MYO1H: variants seen among roughly 807,000 people sequenced by gnomAD.
MYO1H encodes unconventional myosin-Ih.
Under a neutral mutation model 149.3 loss-of-function variants are expected in MYO1H, and 118 were observed. The observed-to-expected ratio is 0.79, with a 90% CI of 0.68 to 0.92. The LOEUF (loss-of-function observed/expected upper bound fraction) is 0.92. Ranked by LOEUF, MYO1H falls within the 40% of genes least tolerant of loss-of-function variation. MYO1H has a pLI of 0.00. For missense variants in MYO1H, 1,212 were observed against 1,280.7 expected, an observed-to-expected ratio of 0.95 and a Z score of 0.82; for synonymous variants, 447 against 465.2, an observed-to-expected ratio of 0.96 and a Z score of 0.50.
intron 1 of MYO1H, 123 bp downstream of exon 1, chr12:109,348,095 A>G (rs1367505253): frequency 5.0e-6 from 2 of 398,432 alleles, no homozygotes; most frequent in Non-Finnish European, 8.9e-6. Flanking sequence ...GCGTGTGAAT[A>G]AGATTCTGAA....
At chr12:109,397,598 A>T (rs1232134301) in intron 4 of MYO1H, 134 bp from the exon 5 acceptor site, 3 of 574,714 alleles carry the variant, frequency 5.2e-6, no homozygotes, top group Non-Finnish European at 8.8e-6. Context: ...TTCTTAGAAG[A>T]TAAAGCATGC....
At chr12:109,339,255 T>C in the MYO1H span, among the ~76,000 whole-genome samples, 1 of 151,980 alleles carries the variant, frequency 6.6e-6, no homozygotes, top group Non-Finnish European at 1.5e-5. Context: ...ATCCCAGCTG[T>C]GCAGGAGACT....
chr12:109,355,077 G>T (rs769321876), intron 1 of MYO1H, among the ~76,000 whole-genome samples: 1 of 152,174 alleles, frequency 6.6e-6, no homozygotes, highest in Non-Finnish European at 1.5e-5. Context: ...CTTGCCATCC[G>T]CACAGTCAAC....
intron 5 of MYO1H, among the ~76,000 whole-genome samples, chr12:109,399,983 T>C (rs553747746): frequency 6.6e-6 from 1 of 152,308 alleles, no homozygotes; most frequent in Admixed American, 6.5e-5. Context: ...CACTGCCCAC[T>C]GTTCTGACCT....
intron 1 of MYO1H, among the ~76,000 whole-genome samples, chr12:109,364,030 T>C (rs1301761539): frequency 6.6e-6 from 1 of 151,324 alleles, no homozygotes; most frequent in African/African-American, 2.4e-5. Context: ...TGAAACCCCA[T>C]CTCTACCAAA....
At chr12:109,397,656 A>T in intron 4 of MYO1H, 76 bp from the exon 5 acceptor site, 1 of 1,138,216 alleles carries the variant, frequency 8.8e-7, no homozygotes, top group Admixed American at 2.6e-5. Context: ...TTTTGTAATA[A>T]GTGTATTATT....
At chr12:109,446,303 T>G in intron 31 of MYO1H, 1 of 978,664 alleles carries the variant, frequency 1.0e-6, no homozygotes, top group Non-Finnish European at 1.2e-6. Context: ...ACACGGAGCT[T>G]GTTTTGATCC....
At chr12:109,333,722 G>A in the MYO1H span, among the ~76,000 whole-genome samples, 4 of 152,238 alleles carry the variant, frequency 2.6e-5, no homozygotes, top group South Asian at 2.1e-4. Context: ...AAGCATGCTC[G>A]TCAATTTATG....
intron 15 of MYO1H, among the ~76,000 whole-genome samples, chr12:109,419,872 TTAA>T (rs1452059639): frequency 9.9e-6 from 1 of 101,264 alleles, no homozygotes; most frequent in African/African-American, 4.6e-5. Context: ...CTCCCCCAAC[TTAA>T]AAAAAAAAAA....
rs777693810 is a variant in MYO1H, at chr12:109,439,664, CCT to C, written c.2331_2332del (p.Cys778SerfsTer2). 1.2e-5 allele frequency: 20 copies of C among 1,613,536 alleles called. No individual in the cohort carries two copies. The highest frequency in any genetic ancestry group is 1.6e-5 in the Non-Finnish European group (19 of 1,179,758). Reference sequence around the variant, plus strand: ...AAGGATTCATCAGTCGCAACAAACCCCTCTGTCCTGACAACGAGGAATTTATC... The same window carrying C: ...AAGGATTCATCAGTCGCAACAAACCCCTGTCCTGACAACGAGGAATTTATC... On this transcript the variant is annotated frameshift_variant, in exon 24 of 32. Coordinates refer to ENST00000310903, the Ensembl canonical transcript of MYO1H. LOFTEE classifies it high-confidence loss of function.
Position 109,443,661 on chromosome 12 carries a change from G to T in MYO1H, c.2824+12G>T. ...CTCAGCTCTCAAAGGTAAGAAGTGG[G>T]CAATCTTTAAAACAATGCACTGAGT... On this transcript the variant is annotated intron_variant, in intron 28 of 31. Coordinates refer to ENST00000310903, the Ensembl canonical transcript of MYO1H. 2 of 1,613,278 alleles carry T rather than the reference G, an allele frequency of 1.2e-6. No homozygotes were observed. The highest frequency in any genetic ancestry group is 1.7e-6 in the Non-Finnish European group (2 of 1,179,664).
chr12:109,314,482 C>T, the MYO1H span, among the ~76,000 whole-genome samples: 5 of 152,164 alleles, frequency 3.3e-5, no homozygotes, highest in African/African-American at 1.2e-4. Flanking sequence ...CACCCATTCC[C>T]TGCTGCTAGC....
intron 16 of MYO1H, among the ~76,000 whole-genome samples, chr12:109,423,820 ATAT>A (rs1871263203): frequency 6.6e-6 from 1 of 152,254 alleles, no homozygotes; most frequent in African/African-American, 2.4e-5. Context: ...AGGTGGAATA[ATAT>A]TCCATGTTAC....
the MYO1H span, among the ~76,000 whole-genome samples, chr12:109,319,524 G>A: frequency 1.3e-5 from 2 of 152,204 alleles, no homozygotes; most frequent in African/African-American, 4.8e-5. Flanking sequence ...TAACACTAAT[G>A]AACTGTACAC....
At chr12:109,314,213 CTTT>C in the MYO1H span, among the ~76,000 whole-genome samples, 51 of 132,152 alleles carry the variant, frequency 3.9e-4, no homozygotes, top group South Asian at 8.2e-3. Context: ...TTTTCTTTGT[CTTT>C]TTTTTTTTTT....
At chr12:109,412,239 C>T (rs1870707231) in intron 14 of MYO1H, among the ~76,000 whole-genome samples, 1 of 152,082 alleles carries the variant, frequency 6.6e-6, no homozygotes, top group African/African-American at 2.4e-5. Context: ...CTCACTGCAG[C>T]CTCAACCTCC....
At chr12:109,358,656 C>T (rs1868661570) in intron 1 of MYO1H, among the ~76,000 whole-genome samples, 1 of 152,138 alleles carries the variant, frequency 6.6e-6, no homozygotes, top group Non-Finnish European at 1.5e-5. Context: ...TCACTGGTTT[C>T]CTCTCAGTGC....
chr12:109,435,824 G>C (rs1871833735), intron 21 of MYO1H, among the ~76,000 whole-genome samples: 2 of 152,202 alleles, frequency 1.3e-5, no homozygotes, highest in Non-Finnish European at 2.9e-5. Flanking sequence ...GGTCTGTCTG[G>C]CTTCAAGGCT....
chr12:109,333,340 T>C, the MYO1H span, among the ~76,000 whole-genome samples: 1 of 151,898 alleles, frequency 6.6e-6, no homozygotes, highest in Non-Finnish European at 1.5e-5. Context: ...AGTTCAGATG[T>C]TACCTAGAGG....
Sources: gnomAD v4.1 joint callset for allele counts (sites outside exome capture counted in the v4.1 genomes callset) on GRCh38, gnomAD v4.1.1 for gene constraint, MANE v1.5 for transcripts, NCBI Gene and HGNC (gene_info 2026-07-23, HGNC 2026-07-21) for gene names.